Variants in CR1 observed in about 807,000 individuals in gnomAD.
CR1 encodes the protein complement receptor type 1.
In CR1, 116 loss-of-function variants were observed where a neutral mutation model predicts 187.3. The observed-to-expected ratio is 0.62, with a 90% CI of 0.53 to 0.72. The LOEUF (loss-of-function observed/expected upper bound fraction) is 0.72. Among genes scored for constraint, CR1 ranks in the 30% least tolerant of loss-of-function variants. The pLI, the probability that CR1 is intolerant of heterozygous loss-of-function variation, is 0.00. For missense variants in CR1, 1,731 were observed against 2,110.7 expected, an observed-to-expected ratio of 0.82 and a Z score of 3.52; for synonymous variants, 576 against 747.1, an observed-to-expected ratio of 0.77 and a Z score of 3.73.
rs117590864 is a variant in CR1, at chr1:207,613,895, C to A, written c.6576-509C>A. ...ACGTGGTTCAGCATGCTTCTGTGAGCCTCCTCTGGCCTGTTACAGTTGTAG... is the reference window on the plus strand; with the variant it reads ...ACGTGGTTCAGCATGCTTCTGTGAGACTCCTCTGGCCTGTTACAGTTGTAG... On this transcript the variant is annotated intron_variant, in intron 39 of 46. Coordinates refer to ENST00000367049, the MANE Select transcript of CR1 (RefSeq NM_000651.6). Among the ~76,000 whole-genome samples, 898 of 152,166 alleles carry A rather than the reference C, an allele frequency of 5.9e-3. 26 individuals are homozygous for A. In the East Asian group the frequency reaches 0.067, roughly 11 times the overall value.
intron 4 of CR1, among the ~76,000 whole-genome samples, chr1:207,516,476 T>G (rs1659811717): frequency 6.6e-6 from 1 of 152,250 alleles, no homozygotes. Context: ...TGGTGATTCT[T>G]GGCCCTTTGC....
In CR1 at chr1:207,621,998, TA is replaced by T; in HGVS notation, c.7276+4del. ...GTACACATGATGCTCTCATAGTTGGTAAGTTTTATGAAAGTTTTGCTGAGGA... is the reference window on the plus strand; with the variant it reads ...GTACACATGATGCTCTCATAGTTGGTAGTTTTATGAAAGTTTTGCTGAGGA... On this transcript the variant is annotated splice_donor_region_variant and intron_variant, in intron 44 of 46. Transcript: ENST00000367049. 6.3e-7 allele frequency: 1 copy of T among 1,596,710 alleles called. No individual in the cohort carries two copies. Among genetic ancestry groups the T allele is most frequent in the Non-Finnish European group, 8.5e-7 (1 of 1,169,892 alleles).
At chr1:207,520,292 A>G (rs1203596592) in intron 4 of CR1, among the ~76,000 whole-genome samples, 3 of 152,214 alleles carry the variant, frequency 2.0e-5, no homozygotes, top group Admixed American at 6.5e-5. Context: ...ACAGCTAGAT[A>G]AAACCTACTT....
intron 4 of CR1, among the ~76,000 whole-genome samples, chr1:207,515,780 A>T (rs1211775912): frequency 6.6e-6 from 1 of 152,180 alleles, no homozygotes; most frequent in African/African-American, 2.4e-5. Flanking sequence ...TTTCTAATAA[A>T]TGTAACACAA....
chr1:207,588,226 C>G (rs544582428), intron 34 of CR1, among the ~76,000 whole-genome samples: 1 of 152,000 alleles, frequency 6.6e-6, no homozygotes, highest in Non-Finnish European at 1.5e-5. Flanking sequence ...TCACCCAGGC[C>G]GGAGTGTAGT....
chr1:207,636,088 G>A (rs1019056134), intron 46 of CR1, among the ~76,000 whole-genome samples: 8 of 150,382 alleles, frequency 5.3e-5, no homozygotes, highest in East Asian at 2.0e-4. Flanking sequence ...CCCCCTTTTC[G>A]ACAAAACCGC....
intron 3 of CR1, chr1:207,507,401 C>T (rs568539051): frequency 5.2e-5 from 8 of 152,558 alleles, no homozygotes; most frequent in East Asian, 1.9e-4. Flanking sequence ...GCAGAACTCC[C>T]GTTTCTGTCT....
rs148575970 is a variant in CR1, at chr1:207,595,650, C to A, written c.5810+6876C>A. ...ATGCATCGTCTTAAATAAGAAGGAA[C>A]CCCAAACATACACCAGTTAGATATA... On this transcript the variant is annotated intron_variant, in intron 35 of 46. Coordinates refer to ENST00000367049, the MANE Select transcript of CR1 (RefSeq NM_000651.6). Among the ~76,000 whole-genome samples, 912 of 151,766 alleles carry A rather than the reference C, an allele frequency of 6.0e-3. 15 individuals are homozygous for A. Among genetic ancestry groups the A allele is most frequent in the African/African-American group, 0.021 (857 of 41,472 alleles).
chr1:207,512,862 T>TTCTACTTCTGTAACCTCTCTGTA (rs1457954002), intron 4 of CR1, among the ~76,000 whole-genome samples: 2 of 152,232 alleles, frequency 1.3e-5, no homozygotes, highest in Non-Finnish European at 2.9e-5. Flanking sequence ...TTATCTCTGT[T>TTCTACTTCTGTAACCTCTCTGTA]TCTACTTCTG....
chr1:207,628,457 C>G (rs991245094), intron 45 of CR1, among the ~76,000 whole-genome samples: 2 of 152,010 alleles, frequency 1.3e-5, no homozygotes, highest in African/African-American at 4.8e-5. Flanking sequence ...GTTTATTTAC[C>G]ATTTATTATC....
At chr1:207,590,306 C>A (rs1261014773) in intron 35 of CR1, among the ~76,000 whole-genome samples, 1 of 152,196 alleles carries the variant, frequency 6.6e-6, no homozygotes, top group Non-Finnish European at 1.5e-5. Flanking sequence ...GGCCAATATT[C>A]AACATTCTTA....
At chr1:207,506,448 G>A (rs547787838) in intron 2 of CR1, among the ~76,000 whole-genome samples, 1 of 152,280 alleles carries the variant, frequency 6.6e-6, no homozygotes, top group South Asian at 2.1e-4. Flanking sequence ...GATTATACCA[G>A]TTGAATTGAA....
intron 45 of CR1, among the ~76,000 whole-genome samples, chr1:207,624,422 G>C (rs55796410): frequency 6.6e-6 from 1 of 152,248 alleles, no homozygotes; most frequent in Admixed American, 6.5e-5. Flanking sequence ...TAGAAAAACT[G>C]AATTTGTAAC....
intron 35 of CR1, among the ~76,000 whole-genome samples, chr1:207,592,980 G>A (rs1292566887): frequency 2.0e-5 from 3 of 150,336 alleles, no homozygotes; most frequent in Admixed American, 2.0e-4. Context: ...TCACGATTGT[G>A]GATAGGAAGA....
At chr1:207,508,663 C>T (rs1659522596) in intron 3 of CR1, among the ~76,000 whole-genome samples, 1 of 151,900 alleles carries the variant, frequency 6.6e-6, no homozygotes, top group South Asian at 2.1e-4. Flanking sequence ...GTAAATAGTA[C>T]CTGGGATCTC....
chr1:207,575,623 G>C lies in CR1; in HGVS notation c.4480G>C (p.Glu1494Gln), dbSNP rs1459719681. ...GHRLIGHSSA[E>Q]CILSGNTAHW... ...CCGACTCATTGGTCACTCATCTGCT[G>C]AATGTATCCTCTCAGGCAATACTGC... is the stretch of plus-strand genomic sequence containing the variant. The change falls in exon 28 of 47, where the codon GAA (glutamate) becomes CAA (glutamine). Residue 1494 changes from glutamate to glutamine, a missense_variant. By Grantham distance (29) the Glu-to-Gln change is conservative (BLOSUM62 2). This residue lies in a region of CR1 where 1,312 missense variants were observed against 1,379.6 expected (regional missense o/e 0.95). Coordinates refer to ENST00000367049, the MANE Select transcript of CR1 (RefSeq NM_000651.6). 1 of 1,611,720 alleles carries C rather than the reference G, an allele frequency of 6.2e-7. No homozygotes were observed. Among genetic ancestry groups the C allele is most frequent in the East Asian group, 2.2e-5 (1 of 44,892 alleles).
chr1:207,513,784 T>TTTCCTTCCTTCC (rs1553287524), intron 4 of CR1, among the ~76,000 whole-genome samples: 3 of 95,282 alleles, frequency 3.1e-5, no homozygotes, highest in African/African-American at 1.5e-4. Context: ...TCCTTCCTTC[T>TTTCCTTCCTTCC]TTCCTTCCTT....
chr1:207,504,540 A>T (rs1461043764), intron 1 of CR1, among the ~76,000 whole-genome samples: 1 of 152,168 alleles, frequency 6.6e-6, no homozygotes, highest in Non-Finnish European at 1.5e-5. Flanking sequence ...CAAAATCAGT[A>T]AAGTATCTAG....
At position 207,501,733 on chromosome 1, in the gene CR1, A is replaced by G. The variant is rs545830059; in HGVS notation, c.122-4171A>G. ...GGTCTCATTCCTTCCTCTCGTTGCAAGCTTTGCTGTGACATTTACCCTCTC... is the reference window on the plus strand; with the variant it reads ...GGTCTCATTCCTTCCTCTCGTTGCAGGCTTTGCTGTGACATTTACCCTCTC... On this transcript the variant is annotated intron_variant, in intron 1 of 46. Transcript: ENST00000367049. Among the ~76,000 whole-genome samples the G allele has an allele frequency of 7.7e-4, 118 of 152,306 alleles. No homozygotes were observed. In the South Asian group the frequency reaches 0.012, roughly 15 times the overall value.
Sources: gnomAD v4.1 joint callset for allele counts (sites outside exome capture counted in the v4.1 genomes callset) on GRCh38, gnomAD v4.1.1 for gene constraint, gnomAD v4.1.1 regional missense constraint, MANE v1.5 for transcripts, NCBI Gene and HGNC (gene_info 2026-07-23, HGNC 2026-07-21) for gene names.